Variants in TEKT3 observed in about 807,000 individuals in gnomAD.
The protein encoded by TEKT3 is tektin 3.
A neutral mutation model predicts 49.8 loss-of-function variants in TEKT3; 49 were observed. The ratio of observed to expected loss-of-function variants is 0.98; its 90% CI spans 0.78 to 1.25. The LOEUF is 1.25. Ranked by LOEUF, TEKT3 falls within the 50% of genes most tolerant of loss-of-function variation. TEKT3 has a pLI of 0.00. For missense variants in TEKT3, 595 were observed against 629.5 expected, an observed-to-expected ratio of 0.95 and a Z score of 0.59; for synonymous variants, 225 against 237.2, an observed-to-expected ratio of 0.95 and a Z score of 0.47.
chr17:15,307,328 A>T (rs962130499), intron 8 of TEKT3, among the ~76,000 whole-genome samples: 1 of 152,130 alleles, frequency 6.6e-6, no homozygotes, highest in Admixed American at 6.5e-5. Flanking sequence ...GTGGAATAGA[A>T]CTCTGGGGTG....
chr17:15,342,469 T>G (rs1912265405), upstream of TEKT3, among the ~76,000 whole-genome samples: 1 of 152,196 alleles, frequency 6.6e-6, no homozygotes, highest in African/African-American at 2.4e-5. Flanking sequence ...TGGGAATCAC[T>G]GTGTGGCACT....
chr17:15,335,965 G>C (rs764632257), intron 2 of TEKT3, among the ~76,000 whole-genome samples: 1 of 151,828 alleles, frequency 6.6e-6, no homozygotes, highest in Non-Finnish European at 1.5e-5. Context: ...AATAGCAAAG[G>C]TTCTAATATT....
intron 1 of TEKT3, 131 bp from the exon 2 acceptor site, chr17:15,340,192 C>T: frequency 6.6e-6 from 1 of 152,108 alleles, no homozygotes; most frequent in East Asian, 1.9e-4. Flanking sequence ...ATGCAAGAAT[C>T]ACCACACAAC....
In TEKT3 at chr17:15,306,632, C is replaced by T. The variant is rs1030627060; in HGVS notation, c.1256+2032G>A. The stretch of plus-strand genomic sequence containing the variant: ...TGAATGCCTCATTGTTTGATAATTC[C>T]GAAGTCCTATTAGACCACTACCCAA... On this transcript the variant is annotated intron_variant, in intron 8 of 8. Coordinates refer to ENST00000395930, the MANE Select transcript of TEKT3 (RefSeq NM_031898.3). Among the ~76,000 whole-genome samples, 4 of 151,692 alleles carry T rather than the reference C, an allele frequency of 2.6e-5. 1 individual carries two copies. In the Middle Eastern group the frequency reaches 0.014, roughly 538 times the overall value.
In TEKT3 at chr17:15,319,149, TA is replaced by T; in HGVS notation, c.664-3del. 6.2e-7 allele frequency: 1 copy of T among 1,601,436 alleles called. No homozygotes were observed. The highest frequency in any genetic ancestry group is 8.5e-7 in the Non-Finnish European group (1 of 1,174,842). On this transcript the variant is annotated splice_region_variant and splice_polypyrimidine_tract_variant and intron_variant, in intron 4 of 8. Transcript: ENST00000395930. ...ACAACACAGAATAGTATCAACTTCC[TA>T]CTCAATTGGAAAAAAAACATATTAA...
chr17:15,331,093 C>A lies in TEKT3; in HGVS notation c.493G>T (p.Asp165Tyr). 1 of 1,614,174 alleles carries A rather than the reference C, an allele frequency of 6.2e-7. No homozygotes were observed. The highest frequency in any genetic ancestry group is 8.5e-7 in the Non-Finnish European group (1 of 1,180,040). ...GCATTTGTCTCTCCAATCATTTCAT[C>A]CAACTCATGAATGATTTCAGATTTC... Reference protein sequence around the residue: ...FWKSEIIHELDEMIGETNALT... With the variant: ...FWKSEIIHELYEMIGETNALT... Residue 165 changes from aspartate to tyrosine, a missense_variant, in exon 3 of 9, where the codon GAT (aspartate) becomes TAT (tyrosine). Coordinates refer to ENST00000395930, the MANE Select transcript of TEKT3 (RefSeq NM_031898.3).
chr17:15,319,217 A>AC (rs1332651762), intron 4 of TEKT3, 70 bp from the exon 5 acceptor site: 1 of 1,217,804 alleles, frequency 8.2e-7, no homozygotes, highest in African/African-American at 2.3e-5. Flanking sequence ...CAACAATGTA[A>AC]CAAACATCAA....
chr17:15,335,957 T>C (rs1911963390), intron 2 of TEKT3, among the ~76,000 whole-genome samples: 1 of 152,028 alleles, frequency 6.6e-6, no homozygotes, highest in Non-Finnish European at 1.5e-5. Context: ...TATGGTGCAA[T>C]AGCAAAGGTT....
At chr17:15,321,574 G>A (rs1911257673) in intron 4 of TEKT3, among the ~76,000 whole-genome samples, 1 of 152,176 alleles carries the variant, frequency 6.6e-6, no homozygotes. Context: ...GAAAGCAGAA[G>A]CGTAGGAAGA....
Position 15,303,818 on chromosome 17 carries a change from CA to C in TEKT3, c.*117del, listed in dbSNP as rs1458563202. 1.0e-6 allele frequency: 1 copy of C among 972,314 alleles called. No homozygotes were observed. The highest frequency in any genetic ancestry group is 1.6e-6 in the Non-Finnish European group (1 of 641,266). 60.2% of individuals were successfully genotyped at this position (972,314 alleles called of 1,614,324 possible). A position where few individuals can be genotyped will look rare whatever the true frequency, so the allele number is the denominator to read the frequency against. On this transcript the variant is annotated 3_prime_UTR_variant, in exon 9 of 9. Transcript: ENST00000395930. The stretch of plus-strand genomic sequence containing the variant: ...GGCTTTCCGAGACAGGAGGTTGGTA[CA>C]TTTCCATCAGCATAATCCTTTAATA...
chr17:15,312,459 C>T lies in TEKT3; in HGVS notation c.901G>A (p.Ala301Thr), dbSNP rs1384810452. ...DATVSVPESW[A>T]KFTDDNILRS... Reference sequence around the variant, plus strand: ...AGAATATTGTCATCTGTAAATTTGGCCCAGGACTCAGGCACTGAGACACTG... The same window carrying T: ...AGAATATTGTCATCTGTAAATTTGGTCCAGGACTCAGGCACTGAGACACTG... Residue 301 changes from alanine (A) to threonine (T), a missense_variant, in exon 7 of 9, where the codon GCC becomes ACC. Coordinates refer to ENST00000395930, the MANE Select transcript of TEKT3 (RefSeq NM_031898.3). 1.2e-6 allele frequency: 2 copies of T among 1,614,056 alleles called. No individual in the cohort carries two copies. The highest frequency in any genetic ancestry group is 1.1e-5 in the South Asian group (1 of 91,066).
In TEKT3 at chr17:15,304,610, A is replaced by T. The variant is rs1910465466; in HGVS notation, c.1257-458T>A. Among the ~76,000 whole-genome samples, 1 of 152,124 alleles carries T rather than the reference A, an allele frequency of 6.6e-6. No homozygotes were observed. The highest frequency in any genetic ancestry group is 1.5e-5 in the Non-Finnish European group (1 of 68,028). ...TGCTTATCCAGGAAGCTAAGAAGGAAATTCAGCGCTTCAGTGGCCATAATA... is the reference window on the plus strand; with the variant it reads ...TGCTTATCCAGGAAGCTAAGAAGGATATTCAGCGCTTCAGTGGCCATAATA... On this transcript the variant is annotated intron_variant, in intron 8 of 8. Coordinates refer to ENST00000395930, the MANE Select transcript of TEKT3 (RefSeq NM_031898.3). This position sits in a 1 kb window ranked among gnomAD's most constrained non-coding sequence, Gnocchi z 4.7.
rs937391212 is a variant in TEKT3, at chr17:15,304,143, G to C, written c.1266C>G (p.Asn422Lys). The C allele has an allele frequency of 6.2e-7, 1 of 1,613,982 alleles. No homozygotes were observed. The highest frequency in any genetic ancestry group is 1.3e-5 in the African/African-American group (1 of 74,896). Residue 422 changes from asparagine (N) to lysine (K), a missense_variant, in exon 9 of 9, where the codon AAC (asparagine) becomes AAG (lysine). Coordinates refer to ENST00000395930, the MANE Select transcript of TEKT3 (RefSeq NM_031898.3). The surrounding 1 kb of genome is among the most constrained non-coding windows in gnomAD (Gnocchi z 4.7). ...TGGTGTCGTCAACCTCGTGTACCTC[G>C]TTAACAAGGCTGCAGCATAAAGGAA... ...CRDMAQLRLV[N>K]EVHEVDDTIQ...
At chr17:15,332,178 G>C (rs993279486) in intron 2 of TEKT3, among the ~76,000 whole-genome samples, 2 of 152,124 alleles carry the variant, frequency 1.3e-5, no homozygotes, top group African/African-American at 2.4e-5. Context: ...GGGCTACAGA[G>C]AGACTCCGTC....
intron 4 of TEKT3, among the ~76,000 whole-genome samples, chr17:15,322,674 G>C (rs1911316530): frequency 6.6e-6 from 1 of 152,164 alleles, no homozygotes; most frequent in African/African-American, 2.4e-5. Flanking sequence ...CTATTTACCT[G>C]TGTTAACTGA....
At chr17:15,318,075 C>A (rs761159508) in intron 5 of TEKT3, among the ~76,000 whole-genome samples, 12 of 150,808 alleles carry the variant, frequency 8.0e-5, no homozygotes, top group Non-Finnish European at 1.6e-4. Context: ...CTGCAAGCTC[C>A]ACCTCCCAGG....
At chr17:15,335,023 A>C (rs574917284) in intron 2 of TEKT3, among the ~76,000 whole-genome samples, 41 of 114,254 alleles carry the variant, frequency 3.6e-4, no homozygotes, top group Admixed American at 6.6e-4. Flanking sequence ...ACCTCAGACA[A>C]CAGGCATCAT....
intron 4 of TEKT3, among the ~76,000 whole-genome samples, chr17:15,320,223 C>T (rs1911192132): frequency 6.6e-6 from 1 of 152,182 alleles, no homozygotes; most frequent in Non-Finnish European, 1.5e-5. Flanking sequence ...CCTAAATTTG[C>T]AAGCTGATAT....
At chr17:15,320,821 C>T (rs1057244253) in intron 4 of TEKT3, among the ~76,000 whole-genome samples, 1 of 151,972 alleles carries the variant, frequency 6.6e-6, no homozygotes, top group African/African-American at 2.4e-5. Context: ...AGTATGTGTA[C>T]CTGTGTGTAC....
Sources: allele counts gnomAD v4.1 joint callset (sites outside exome capture counted in the v4.1 genomes callset), GRCh38; gene constraint gnomAD v4.1.1; non-coding constraint Gnocchi (gnomAD v3.1); transcripts MANE v1.5; gene names NCBI Gene and HGNC (gene_info 2026-07-23, HGNC 2026-07-21).